Variants in MYT1L observed in about 807,000 individuals in gnomAD.
The protein encoded by MYT1L is myelin transcription factor 1 like, also known as myelin transcription factor 1-like protein.
A neutral mutation model predicts 126.7 loss-of-function variants in MYT1L; 12 were observed. That is an observed-to-expected ratio of 0.09 (90% confidence interval 0.06 to 0.15). MYT1L has a LOEUF of 0.15. MYT1L is among the 10% of genes least tolerant of loss of function. MYT1L has a pLI of 1.00. For synonymous variants in MYT1L, 541 were observed against 604.2 expected (o/e 0.90, Z 1.53); for missense variants, 979 against 1,585.2 (o/e 0.62, Z 6.49).
intron 4 of MYT1L, among the ~76,000 whole-genome samples, chr2:2,042,155 A>T (rs1178432128): frequency 1.3e-5 from 2 of 152,214 alleles, no homozygotes; most frequent in South Asian, 2.1e-4. Flanking sequence ...TGAACCCCAG[A>T]TGCTCTAAGA....
intron 4 of MYT1L, among the ~76,000 whole-genome samples, chr2:2,038,630 A>C (rs927604241): frequency 6.6e-6 from 1 of 152,076 alleles, no homozygotes; most frequent in Non-Finnish European, 1.5e-5. Context: ...ATGTGTAGTC[A>C]TCAGTCAGAA....
At chr2:2,041,180 A>C (rs1380819454) in intron 4 of MYT1L, among the ~76,000 whole-genome samples, 1 of 152,240 alleles carries the variant, frequency 6.6e-6, no homozygotes, top group African/African-American at 2.4e-5. Context: ...TTTTGAATTA[A>C]GTTACAGCTT....
intron 18 of MYT1L, among the ~76,000 whole-genome samples, chr2:1,878,503 G>C (rs952583279): frequency 6.6e-6 from 1 of 152,096 alleles, no homozygotes; most frequent in African/African-American, 2.4e-5. Flanking sequence ...ACCACACAAA[G>C]AACAATATAA....
At chr2:2,197,364 A>G (rs552289638) in intron 2 of MYT1L, among the ~76,000 whole-genome samples, 9 of 152,292 alleles carry the variant, frequency 5.9e-5, no homozygotes, top group African/African-American at 1.9e-4. Context: ...TATCTCCAAA[A>G]CAAGACAGAA....
intron 18 of MYT1L, among the ~76,000 whole-genome samples, chr2:1,857,367 T>G (rs2044047340): frequency 1.3e-5 from 2 of 152,184 alleles, no homozygotes; most frequent in South Asian, 4.1e-4. Context: ...GGATTAATGA[T>G]CTCTGAGGCT....
intron 8 of MYT1L, among the ~76,000 whole-genome samples, chr2:1,958,022 C>T (rs1353115070): frequency 6.6e-6 from 1 of 152,232 alleles, no homozygotes; most frequent in African/African-American, 2.4e-5. Context: ...CCAATGCTTC[C>T]CCTCCTTGCC....
chr2:2,208,171 C>T (rs891087638), intron 2 of MYT1L, among the ~76,000 whole-genome samples: 1 of 152,180 alleles, frequency 6.6e-6, no homozygotes, highest in Non-Finnish European at 1.5e-5. Context: ...CATTCATTCA[C>T]TGGGGAAGAA....
intron 8 of MYT1L, among the ~76,000 whole-genome samples, chr2:1,952,009 C>T (rs1222652717): frequency 1.3e-5 from 2 of 152,162 alleles, no homozygotes; most frequent in African/African-American, 4.8e-5. Context: ...ATACTTCCTT[C>T]CTTTTAAAAT....
intron 2 of MYT1L, among the ~76,000 whole-genome samples, chr2:2,181,040 CTG>C (rs148579930): frequency 0.066 from 9,025 of 137,482 alleles, 677 homozygotes; most frequent in East Asian, 0.078. Context: ...CTGCATGTGC[CTG>C]TGTGTGCACC....
intron 1 of MYT1L, among the ~76,000 whole-genome samples, chr2:2,309,500 C>T (rs1469256161): frequency 2.0e-5 from 3 of 152,030 alleles, no homozygotes; most frequent in Admixed American, 2.0e-4. Flanking sequence ...TCAATCTACA[C>T]TTTAGTACAC....
rs555765820 is a variant in MYT1L, at chr2:2,170,683, C to A, written c.-304+2189G>T. On this transcript the variant is annotated intron_variant, in intron 3 of 24. Transcript: ENST00000647738. ...TTTTACATATATTTCATTCTATCAC[C>A]CATTTACTAAAGTACTTATGACATA... 3.3e-5 allele frequency among the ~76,000 whole-genome samples: 5 copies of A among 152,196 alleles called. No individual in the cohort carries two copies. The South Asian group carries it at 1.0e-3, about 32-fold the overall frequency.
At chr2:2,300,951 G>A (rs2095773090) in intron 1 of MYT1L, among the ~76,000 whole-genome samples, 1 of 152,190 alleles carries the variant, frequency 6.6e-6, no homozygotes, top group Non-Finnish European at 1.5e-5. Flanking sequence ...ACTGGTCACA[G>A]CAAGCACTCT....
In MYT1L at chr2:2,323,652, T is replaced by C. The variant is rs911791977; in HGVS notation, c.-521+7315A>G. On this transcript the variant is annotated intron_variant, in intron 1 of 24. Transcript: ENST00000647738. Reference sequence around the variant, plus strand: ...AATTAGGATTCCAGCAGGCTCTTTATTCTTACTTCTCAACTCAGAAGACTG... The same window carrying C: ...AATTAGGATTCCAGCAGGCTCTTTACTCTTACTTCTCAACTCAGAAGACTG... 5.9e-5 allele frequency among the ~76,000 whole-genome samples: 9 copies of C among 152,336 alleles called. No individual in the cohort carries two copies. The East Asian group carries it at 1.7e-3, about 29-fold the overall frequency.
intron 4 of MYT1L, among the ~76,000 whole-genome samples, chr2:2,050,575 GA>G (rs1050563086): frequency 5.5e-4 from 84 of 152,246 alleles, no homozygotes; most frequent in Middle Eastern, 3.4e-3. Flanking sequence ...CACGAGGACA[GA>G]AAAATGCCCT....
In MYT1L at chr2:2,158,932, G is replaced by A. The variant is rs117737597; in HGVS notation, c.-304+13940C>T. Among the ~76,000 whole-genome samples, 289 of 152,298 alleles carry A rather than the reference G, an allele frequency of 1.9e-3. 1 individual carries two copies. Among genetic ancestry groups the A allele is most frequent in the Non-Finnish European group, 2.9e-3 (200 of 68,036 alleles). ...CTCCAGGGCCTCGTGCCATTTGCACGCTTACCTATAGGGCATTTTGTTGTG... is the reference window on the plus strand; with the variant it reads ...CTCCAGGGCCTCGTGCCATTTGCACACTTACCTATAGGGCATTTTGTTGTG... On this transcript the variant is annotated intron_variant, in intron 3 of 24. Coordinates refer to ENST00000647738, the MANE Select transcript of MYT1L (RefSeq NM_001303052.2).
chr2:1,792,253 C>T (rs2032242306), intron 24 of MYT1L, 68 bp downstream of exon 24: 4 of 1,481,430 alleles, frequency 2.7e-6, no homozygotes, highest in African/African-American at 1.4e-5. Flanking sequence ...ACGATAAAAA[C>T]GGCATCTACT....
chr2:1,889,099 T>C lies in MYT1L; in HGVS notation c.2520+142A>G. 1 of 616,134 alleles carries C rather than the reference T, an allele frequency of 1.6e-6. No homozygotes were observed. Among genetic ancestry groups the C allele is most frequent in the Non-Finnish European group, 2.7e-6 (1 of 367,430 alleles). The allele number at this position is 616,134 out of a possible 1,614,324, so 38.2% of individuals were successfully genotyped here. On this transcript the variant is annotated intron_variant, in intron 16 of 24. Transcript: ENST00000647738. The surrounding 1 kb of genome is among the most constrained non-coding windows in gnomAD (Gnocchi z 4.1). ...ATCTCTTCTGGGTCAACAAAAACTG[T>C]TTTCTAAGTCCTCCTCAGCTAAAGG...
intron 5 of MYT1L, among the ~76,000 whole-genome samples, chr2:1,986,886 C>T (rs1399047251): frequency 6.6e-6 from 1 of 152,136 alleles, no homozygotes; most frequent in Non-Finnish European, 1.5e-5. Flanking sequence ...CCAATCACAG[C>T]GTGATACCTA....
chr2:1,961,991 G>A (rs993903174), intron 8 of MYT1L, among the ~76,000 whole-genome samples: 4 of 152,202 alleles, frequency 2.6e-5, no homozygotes, highest in Non-Finnish European at 5.9e-5. Flanking sequence ...AAATATTTAA[G>A]GTGATGTATA....
Sources: gnomAD v4.1 joint callset for allele counts (sites outside exome capture counted in the v4.1 genomes callset) on GRCh38, gnomAD v4.1.1 for gene constraint, Gnocchi (gnomAD v3.1) non-coding constraint, MANE v1.5 for transcripts, NCBI Gene and HGNC (gene_info 2026-07-23, HGNC 2026-07-21) for gene names.